DZANK1: variants seen among roughly 807,000 people sequenced by gnomAD.
DZANK1 encodes double zinc ribbon and ankyrin repeat-containing protein 1.
Under a neutral mutation model 94.5 loss-of-function variants are expected in DZANK1, and 91 were observed. That is an observed-to-expected ratio of 0.96 (90% CI 0.81 to 1.15). The LOEUF is 1.15. DZANK1 is among the 50% of genes most tolerant of loss of function. The pLI is 0.00. For missense variants in DZANK1, 903 were observed against 916.4 expected, an observed-to-expected ratio of 0.99 and a Z score of 0.19; for synonymous variants, 312 against 325.3, an observed-to-expected ratio of 0.96 and a Z score of 0.44.
At chr20:18,433,718 G>A (rs1786770122) in exon 9 of DZANK1, 1 of 1,614,032 alleles carries the variant, frequency 6.2e-7, no homozygotes, top group Non-Finnish European at 8.5e-7. Flanking sequence ...CCACACAGAT[G>A]GGAGTGTTCA....
At chr20:18,388,122 C>T (rs1003844579) in intron 19 of DZANK1, among the ~76,000 whole-genome samples, 12 of 152,172 alleles carry the variant, frequency 7.9e-5, no homozygotes, top group Non-Finnish European at 1.8e-4. Context: ...CTTTCCTCTA[C>T]TGGCATGCAC....
chr20:18,415,060 G>A (rs1885620419), intron 11 of DZANK1, among the ~76,000 whole-genome samples: 1 of 152,138 alleles, frequency 6.6e-6, no homozygotes, highest in African/African-American at 2.4e-5. Context: ...ATAAAGGCAG[G>A]CAGACATAAT....
intron 10 of DZANK1, chr20:18,420,667 A>G (rs2057733354): frequency 5.3e-6 from 1 of 190,448 alleles, no homozygotes. Context: ...TTCCATTAAT[A>G]TCTGCATACC....
chr20:18,466,166 T>C (rs980712293), intron 1 of DZANK1, among the ~76,000 whole-genome samples: 4 of 152,248 alleles, frequency 2.6e-5, no homozygotes, highest in Non-Finnish European at 5.9e-5. Flanking sequence ...ATCTCTGTAT[T>C]GCCTTTTCAA....
intron 7 of DZANK1, among the ~76,000 whole-genome samples, chr20:18,446,002 T>G (rs1421081677): frequency 2.7e-5 from 4 of 149,760 alleles, no homozygotes; most frequent in African/African-American, 9.8e-5. Context: ...TGGCCTCAAG[T>G]GATCCTCCCA....
At chr20:18,456,677 T>A (rs2059303687) in intron 3 of DZANK1, among the ~76,000 whole-genome samples, 1 of 148,120 alleles carries the variant, frequency 6.8e-6, no homozygotes. Flanking sequence ...TATGTGGTCA[T>A]CTTACGTGTC....
chr20:18,386,576 C>T (rs1239933746), intron 19 of DZANK1, among the ~76,000 whole-genome samples: 1 of 151,888 alleles, frequency 6.6e-6, no homozygotes, highest in East Asian at 1.9e-4. Context: ...GAAGAATGGA[C>T]AACAAAGTTA....
chr20:18,448,682 C>G (rs368824159), intron 7 of DZANK1, among the ~76,000 whole-genome samples: 2 of 152,140 alleles, frequency 1.3e-5, no homozygotes, highest in African/African-American at 4.8e-5. Flanking sequence ...TCCTGGCCAA[C>G]ATGGTAAAAC....
chr20:18,389,612 G>GT, intron 19 of DZANK1, 89 bp downstream of exon 19: 1 of 1,517,688 alleles, frequency 6.6e-7, no homozygotes, highest in Non-Finnish European at 9.0e-7. Flanking sequence ...ACTGAACAGG[G>GT]TGTGTGTGTA....
At chr20:18,391,013 T>C (rs1052196552) in intron 17 of DZANK1, among the ~76,000 whole-genome samples, 2 of 152,074 alleles carry the variant, frequency 1.3e-5, no homozygotes, top group African/African-American at 2.4e-5. Context: ...CTAGCCAACA[T>C]GGTGAAACCG....
At chr20:18,466,384 T>C (rs930862296) in intron 1 of DZANK1, among the ~76,000 whole-genome samples, 3 of 152,216 alleles carry the variant, frequency 2.0e-5, no homozygotes, top group African/African-American at 7.2e-5. Context: ...TGTCTGCAGT[T>C]TGAGCTTTGT....
intron 3 of DZANK1, among the ~76,000 whole-genome samples, chr20:18,459,040 G>C (rs1839509483): frequency 6.6e-6 from 1 of 152,178 alleles, no homozygotes; most frequent in Admixed American, 6.5e-5. Flanking sequence ...ACTCTCTCTT[G>C]AAAGCCTTAT....
chr20:18,413,111 G>A, intron 12 of DZANK1: 1 of 538,654 alleles, frequency 1.9e-6, no homozygotes, highest in Non-Finnish European at 3.3e-6. Flanking sequence ...CTTGATGCCT[G>A]GAAGATATCT....
rs539368392 is a variant in DZANK1, at chr20:18,401,827, C to G, written c.1433-3201G>C. On this transcript the variant is annotated intron_variant, in intron 13 of 20. Coordinates refer to ENST00000262547, the Ensembl canonical transcript of DZANK1. ...CTTTCAGCTCTCGTAAGGCCTAGGCCCAGAACTATCACGGTGTCTCTTCTA... is the reference window on the plus strand; with the variant it reads ...CTTTCAGCTCTCGTAAGGCCTAGGCGCAGAACTATCACGGTGTCTCTTCTA... 3.9e-5 allele frequency among the ~76,000 whole-genome samples: 6 copies of G among 152,262 alleles called. No individual in the cohort carries two copies. In the South Asian group the frequency reaches 1.2e-3, roughly 32 times the overall value.
intron 7 of DZANK1, 57 bp downstream of exon 7, chr20:18,448,927 T>C: frequency 7.0e-7 from 1 of 1,436,136 alleles, no homozygotes; most frequent in Non-Finnish European, 9.6e-7. Flanking sequence ...AAATTCTCTT[T>C]GACCATGATG....
chr20:18,385,979 G>A (rs17733134), intron 19 of DZANK1, among the ~76,000 whole-genome samples: 58,742 of 151,844 alleles, frequency 0.39, 12,860 homozygotes, highest in Non-Finnish European at 0.5. Flanking sequence ...CTCCTGAAAG[G>A]CTCCTATGCA....
intron 7 of DZANK1, among the ~76,000 whole-genome samples, chr20:18,444,275 G>T (rs2058803166): frequency 6.6e-6 from 1 of 152,168 alleles, no homozygotes; most frequent in Admixed American, 6.5e-5. Flanking sequence ...TGGCACCAAG[G>T]TTTCACCATC....
intron 9 of DZANK1, among the ~76,000 whole-genome samples, chr20:18,431,229 A>G (rs1428163983): frequency 6.6e-6 from 1 of 152,054 alleles, no homozygotes; most frequent in African/African-American, 2.4e-5. Flanking sequence ...TAATCCCGGC[A>G]GAAAAAAAAA....
At chr20:18,393,031 T>C (rs112999181) in intron 17 of DZANK1, among the ~76,000 whole-genome samples, 2,537 of 152,292 alleles carry the variant, frequency 0.017, 28 homozygotes, top group African/African-American at 0.02. Context: ...CACTTTGCCC[T>C]GATAACTATT....
Sources: allele counts gnomAD v4.1 joint callset (sites outside exome capture counted in the v4.1 genomes callset), GRCh38; gene constraint gnomAD v4.1.1; transcripts MANE v1.5; gene names NCBI Gene and HGNC (gene_info 2026-07-23, HGNC 2026-07-21).